PALB2: variants seen among roughly 807,000 people sequenced by gnomAD.
PALB2 encodes partner and localizer of BRCA2.
A neutral mutation model predicts 107.4 loss-of-function variants in PALB2; 82 were observed. The observed-to-expected ratio is 0.76, with a 90% CI of 0.64 to 0.92. The LOEUF (loss-of-function observed/expected upper bound fraction) is 0.92, where lower values mean the gene tolerates loss of function less well. Ranked by LOEUF, PALB2 falls within the 40% of genes least tolerant of loss-of-function variation. The probability of loss-of-function intolerance (pLI) is 0.00; values close to 1 mark genes in which losing one functional copy is unlikely to be tolerated. For synonymous variants in PALB2, 489 were observed against 496.8 expected (o/e 0.98, Z 0.21); for missense variants, 1,374 against 1,379.9 (o/e 1.00, Z 0.07).
At position 23,640,754 on chromosome 16, in the gene PALB2, C is replaced by G. The variant is rs1255131368; in HGVS notation, c.48+356G>C. 2.4e-5 allele frequency: 7 copies of G among 291,464 alleles called. No homozygotes were observed. The East Asian group carries it at 3.2e-4, about 13-fold the overall frequency. 18.1% of individuals were successfully genotyped at this position (291,464 alleles called of 1,614,324 possible). On this transcript the variant is annotated intron_variant, in intron 1 of 12. Transcript: ENST00000261584. Reference sequence around the variant, plus strand: ...CTCCTCCACCACCCACATTAACACACGAAAGGACCTGGAAGTACCAGACTT... The same window carrying G: ...CTCCTCCACCACCCACATTAACACAGGAAAGGACCTGGAAGTACCAGACTT...
At position 23,603,663 on chromosome 16, in the gene PALB2, C is replaced by T. The variant is rs1966406468; in HGVS notation, c.3357G>A (p.Leu1119=). The T allele has an allele frequency of 6.2e-7, 1 of 1,613,304 alleles. No individual in the cohort carries two copies. Among genetic ancestry groups the T allele is most frequent in the Non-Finnish European group, 8.5e-7 (1 of 1,179,852 alleles). Residue 1119 remains leucine, a synonymous_variant, in exon 13 of 13, where the codon CTG becomes CTA. Transcript: ENST00000261584. ...CLPPGQAGRF[L]EGDVKDHCAA... is the part of the protein sequence containing the mutation. ...CACAGTGATCTTTCACGTCACCTTC[C>T]AGGAACCTGATAGCATACAAAGAAG... is the stretch of plus-strand genomic sequence containing the variant.
At chr16:23,617,084 G>T (rs891030626) in intron 10 of PALB2, among the ~76,000 whole-genome samples, 1 of 152,068 alleles carries the variant, frequency 6.6e-6, no homozygotes, top group African/African-American at 2.4e-5. Context: ...CAAAGTGCTG[G>T]GATTACAGGC....
intron 11 of PALB2, 53 bp downstream of exon 11, chr16:23,613,951 C>T (rs1202722375): frequency 7.4e-6 from 10 of 1,357,934 alleles, no homozygotes; most frequent in Admixed American, 5.2e-5. Flanking sequence ...ACTGCTCTCA[C>T]TTAATGAGAC....
Position 23,608,823 on chromosome 16 carries a change from C to T in PALB2, c.3202-811G>A, listed in dbSNP as rs1322709505. ...ATATACACACACACACACACACACA[C>T]ATATATACAGATTTTTTTTTTTTGA... is the stretch of plus-strand genomic sequence containing the variant. On this transcript the variant is annotated intron_variant, in intron 11 of 12. Transcript: ENST00000261584. Among the ~76,000 whole-genome samples, 14 of 148,272 alleles carry T rather than the reference C, an allele frequency of 9.4e-5. No homozygotes were observed. In the South Asian group the frequency reaches 2.8e-3, roughly 29 times the overall value.
intron 3 of PALB2, among the ~76,000 whole-genome samples, chr16:23,637,597 C>G (rs1053958870): frequency 6.6e-6 from 1 of 152,052 alleles, no homozygotes; most frequent in South Asian, 2.1e-4. Flanking sequence ...CCCAGCTACT[C>G]AGGAGGCTGA....
In PALB2 at chr16:23,623,062, G is replaced by C. The variant is rs369132015; in HGVS notation, c.2903C>G (p.Ala968Gly). The part of the protein sequence containing the change: ...QVLLKSGNIK[A>G]VLGLTKRRLV... ...CCTCCTCTTTGTCAGGCCAAGCACAGCTTTTATATTTCCAGACTTCAGTAG... is the reference window on the plus strand; with the variant it reads ...CCTCCTCTTTGTCAGGCCAAGCACACCTTTTATATTTCCAGACTTCAGTAG... The change falls in exon 9 of 13, where the codon GCT becomes GGT. Residue 968 changes from alanine to glycine, a missense_variant. By Grantham distance (60) the Ala-to-Gly change is moderately conservative (BLOSUM62 0). Coordinates refer to ENST00000261584, the MANE Select transcript of PALB2 (RefSeq NM_024675.4). 1.4e-5 allele frequency: 22 copies of C among 1,613,914 alleles called. No individual in the cohort carries two copies. Among genetic ancestry groups the C allele is most frequent in the Non-Finnish European group, 1.9e-5 (22 of 1,179,964 alleles).
intron 6 of PALB2, among the ~76,000 whole-genome samples, chr16:23,627,356 G>A (rs924754010): frequency 7.9e-5 from 12 of 151,618 alleles, no homozygotes; most frequent in East Asian, 5.8e-4. Flanking sequence ...GCGCGGTGGC[G>A]GGCGCCTGTA....
chr16:23,630,215 G>A lies in PALB2; in HGVS notation c.1939C>T (p.His647Tyr), dbSNP rs1555460583. The change falls in exon 5 of 13, where the codon CAT (histidine) becomes TAT (tyrosine). Residue 647 changes from histidine (H) to tyrosine (Y), a missense_variant. Coordinates refer to ENST00000261584, the MANE Select transcript of PALB2 (RefSeq NM_024675.4). ...PFESKMFGER[H>Y]LKEGSCIFPE... ...AAAATACAGCTTCCCTCTTTAAGAT[G>A]TCTCTCTCCAAACATTTTTGACTCA... is the stretch of plus-strand genomic sequence containing the variant. The A allele has an allele frequency of 2.5e-6, 4 of 1,614,056 alleles. No homozygotes were observed. Among genetic ancestry groups the A allele is most frequent in the Non-Finnish European group, 3.4e-6 (4 of 1,180,020 alleles).
chr16:23,633,009 G>A (rs374782912), intron 4 of PALB2, among the ~76,000 whole-genome samples: 6 of 152,112 alleles, frequency 3.9e-5, no homozygotes, highest in African/African-American at 1.4e-4. Flanking sequence ...TGGGAGAATC[G>A]CTTGAACCTG....
intron 5 of PALB2, 75 bp from the exon 6 acceptor site, chr16:23,629,350 T>C (rs1966854406): frequency 1.5e-6 from 2 of 1,308,536 alleles, no homozygotes; most frequent in South Asian, 1.2e-5. Flanking sequence ...CTCATCAAAA[T>C]GTCTACTTCG....
At chr16:23,634,806 A>C (rs1966944213) in intron 4 of PALB2, 56 bp downstream of exon 4, 1 of 1,564,930 alleles carries the variant, frequency 6.4e-7, no homozygotes, top group Non-Finnish European at 8.7e-7. Context: ...CCAGGCAAAT[A>C]GTAATTGTTA....
chr16:23,625,604 G>A (rs1966841013), intron 7 of PALB2, among the ~76,000 whole-genome samples: 1 of 151,872 alleles, frequency 6.6e-6, no homozygotes. Context: ...AGAACAGCCT[G>A]GGCAACATGG....
intron 11 of PALB2, among the ~76,000 whole-genome samples, chr16:23,608,551 T>C (rs1966523161): frequency 6.6e-6 from 1 of 152,132 alleles, no homozygotes. Flanking sequence ...AATATTCATT[T>C]GTAAATTGGT....
intron 4 of PALB2, among the ~76,000 whole-genome samples, chr16:23,634,387 C>T (rs567153211): frequency 4.6e-5 from 7 of 152,302 alleles, no homozygotes; most frequent in African/African-American, 7.2e-5. Context: ...CAGTGGCTCA[C>T]GTCTGTAATC....
intron 12 of PALB2, among the ~76,000 whole-genome samples, chr16:23,605,046 C>T (rs1202612794): frequency 6.6e-6 from 1 of 152,132 alleles, no homozygotes; most frequent in Non-Finnish European, 1.5e-5. Flanking sequence ...TGCACTCCAG[C>T]CTGGGCAACA....
At chr16:23,622,442 T>C (rs1324963997) in intron 9 of PALB2, among the ~76,000 whole-genome samples, 1 of 152,138 alleles carries the variant, frequency 6.6e-6, no homozygotes, top group Non-Finnish European at 1.5e-5. Flanking sequence ...CTGCCCAAGA[T>C]GGAGTGTGGT....
At chr16:23,609,779 G>T (rs1285974354) in intron 11 of PALB2, among the ~76,000 whole-genome samples, 3 of 152,164 alleles carry the variant, frequency 2.0e-5, no homozygotes, top group Non-Finnish European at 4.4e-5. Flanking sequence ...GCCTCCCAAA[G>T]TGCTGGGATT....
rs971336103 is a variant in PALB2 at position 23,614,851 on chromosome 16, C to T, written c.3114-760G>A. ...ATTTTTAGTAGAGACGGGGTTTCAC[C>T]GTTTTAGCCGGGATGGTCTTGATCT... On this transcript the variant is annotated intron_variant, in intron 10 of 12. Transcript: ENST00000261584. 2.7e-5 allele frequency among the ~76,000 whole-genome samples: 4 copies of T among 150,942 alleles called. No homozygotes were observed. The South Asian group carries it at 6.3e-4, about 24-fold the overall frequency.
intron 9 of PALB2, 135 bp downstream of exon 9, chr16:23,622,834 A>T: frequency 2.1e-6 from 2 of 956,292 alleles, no homozygotes; most frequent in Non-Finnish European, 3.3e-6. Flanking sequence ...GTCATAACCT[A>T]GTGTTGATGC....
Sources: allele counts gnomAD v4.1 joint callset (sites outside exome capture counted in the v4.1 genomes callset), GRCh38; gene constraint gnomAD v4.1.1; transcripts MANE v1.5; gene names NCBI Gene and HGNC (gene_info 2026-07-23, HGNC 2026-07-21).